Variants in PLEKHA2 observed in about 807,000 individuals in gnomAD.
The protein encoded by PLEKHA2 is pleckstrin homology domain-containing family A member 2.
Under a neutral mutation model 53.2 loss-of-function variants are expected in PLEKHA2, and 28 were observed. The observed-to-expected ratio is 0.53, with a 90% CI of 0.39 to 0.72. PLEKHA2 has a LOEUF of 0.72. Among genes scored for constraint, PLEKHA2 ranks in the 30% least tolerant of loss-of-function variants. The pLI, the probability that PLEKHA2 is intolerant of heterozygous loss-of-function variation, is 0.00. For synonymous variants in PLEKHA2, 193 were observed against 196.4 expected, an observed-to-expected ratio of 0.98 and a Z score of 0.14; for missense variants, 426 against 537.9, an observed-to-expected ratio of 0.79 and a Z score of 2.06.
In PLEKHA2 at chr8:38,961,381, AC is replaced by A. The variant is rs373389177; in HGVS notation, c.837+3996del. Among the ~76,000 whole-genome samples, 232 of 152,206 alleles carry A rather than the reference AC, an allele frequency of 1.5e-3. 7 individuals are homozygous for A. The East Asian group carries it at 0.032, about 21-fold the overall frequency. ...GTGAAACCCTGTCTCTATTAAAAAT[AC>A]AAAAATTAGCGGGGTGTGGTGGTGC... On this transcript the variant is annotated intron_variant, in intron 10 of 11. Coordinates refer to ENST00000617275, the MANE Select transcript of PLEKHA2 (RefSeq NM_021623.2).
At chr8:38,954,799 G>A (rs1479768877) in intron 9 of PLEKHA2, among the ~76,000 whole-genome samples, 3 of 152,122 alleles carry the variant, frequency 2.0e-5, no homozygotes, top group South Asian at 2.1e-4. Flanking sequence ...TTGGGAGGCC[G>A]AGGCGGGCGG....
At chr8:38,915,350 CAGA>C (rs1206963312) in intron 1 of PLEKHA2, among the ~76,000 whole-genome samples, 1 of 152,214 alleles carries the variant, frequency 6.6e-6, no homozygotes, top group Admixed American at 6.5e-5. Flanking sequence ...GCTTAAACGG[CAGA>C]AGTTCATTTT....
At chr8:38,918,524 A>ATACACACACATGCACACACACT (rs1834111160) in intron 2 of PLEKHA2, among the ~76,000 whole-genome samples, 2 of 146,654 alleles carry the variant, frequency 1.4e-5, no homozygotes, top group African/African-American at 2.5e-5. Flanking sequence ...CCATACACAC[A>ATACACACACATGCACACACACT]TGCACACACA....
At chr8:38,952,561 A>G in intron 7 of PLEKHA2, 75 bp from the exon 8 acceptor site, 1 of 1,495,906 alleles carries the variant, frequency 6.7e-7, no homozygotes, top group Non-Finnish European at 9.1e-7. Flanking sequence ...GGTCCTTGGG[A>G]GCTTAGCATG....
chr8:38,968,991 C>T, intron 11 of PLEKHA2: 1 of 323,638 alleles, frequency 3.1e-6, no homozygotes, highest in Non-Finnish European at 5.7e-6. Context: ...CTCTGCCTCC[C>T]AGGTTCAAGT....
chr8:38,947,903 A>G (rs1431513532), intron 5 of PLEKHA2, among the ~76,000 whole-genome samples: 1 of 151,916 alleles, frequency 6.6e-6, no homozygotes, highest in East Asian at 1.9e-4. Context: ...CCTGGCTAAC[A>G]TGGTGAAACC....
chr8:38,969,674 G>A lies in PLEKHA2; in HGVS notation c.1169G>A (p.Gly390Glu). ...TPRPGEGSAP[G>E]VLPSSRIRHR... is the part of the protein sequence containing the mutation. ...CGTCCTGGGGAGGGCAGCGCTCCTG[G>A]GGTGCTGCCCAGCTCCCGGATAAGG... Residue 390 changes from glycine (G) to glutamate (E), a missense_variant, in exon 12 of 12, where the codon GGG becomes GAG. Gly to Glu is a moderately conservative substitution (Grantham distance 98). Transcript: ENST00000617275. 2 of 1,585,128 alleles carry A rather than the reference G, an allele frequency of 1.3e-6. No individual in the cohort carries two copies. The highest frequency in any genetic ancestry group is 8.6e-7 in the Non-Finnish European group (1 of 1,165,900).
intron 3 of PLEKHA2, among the ~76,000 whole-genome samples, chr8:38,936,369 C>CT (rs1564128468): frequency 6.6e-6 from 1 of 152,158 alleles, no homozygotes; most frequent in Admixed American, 6.5e-5. Flanking sequence ...GATCCATGAC[C>CT]TTTTTTTGTA....
intron 3 of PLEKHA2, among the ~76,000 whole-genome samples, chr8:38,936,454 T>A (rs1398977556): frequency 6.6e-6 from 1 of 152,124 alleles, no homozygotes; most frequent in African/African-American, 2.4e-5. Flanking sequence ...AAGGGTACAG[T>A]CAAACAAAAA....
Position 38,952,674 on chromosome 8 carries a change from C to A in PLEKHA2, c.672C>A (p.Asp224Glu). 6.2e-7 allele frequency: 1 copy of A among 1,611,854 alleles called. No individual in the cohort carries two copies. The highest frequency in any genetic ancestry group is 8.5e-7 in the Non-Finnish European group (1 of 1,179,820). ...SWKRRFFALD[D>E]FTICYFKCEQ... ...AACGTCGCTTCTTTGCACTTGATGA[C>A]TTTACCATCTGCTACTTCAAGTGTG... Residue 224 changes from aspartate to glutamate, a missense_variant, in exon 8 of 12, where the codon GAC (aspartate) becomes GAA (glutamate). Coordinates refer to ENST00000617275, the MANE Select transcript of PLEKHA2 (RefSeq NM_021623.2).
chr8:38,955,116 A>G (rs1424332736), intron 9 of PLEKHA2, among the ~76,000 whole-genome samples: 4 of 152,074 alleles, frequency 2.6e-5, no homozygotes, highest in Non-Finnish European at 5.9e-5. Context: ...TTGCATGGAA[A>G]AGTTCTTCAG....
At chr8:38,953,788 C>A (rs545485536) in intron 9 of PLEKHA2, among the ~76,000 whole-genome samples, 1 of 152,200 alleles carries the variant, frequency 6.6e-6, no homozygotes, top group Non-Finnish European at 1.5e-5. Flanking sequence ...TCTTCCCTGA[C>A]CTTCTTATTC....
At chr8:38,933,567 C>T (rs898909947) in intron 2 of PLEKHA2, among the ~76,000 whole-genome samples, 5 of 151,862 alleles carry the variant, frequency 3.3e-5, no homozygotes, top group African/African-American at 9.7e-5. Flanking sequence ...CCTTAGTCCT[C>T]AGCAGAGTCC....
chr8:38,962,079 G>A (rs751535151), intron 10 of PLEKHA2, among the ~76,000 whole-genome samples: 4 of 152,200 alleles, frequency 2.6e-5, no homozygotes, highest in African/African-American at 9.6e-5. Context: ...ACAGGAAAAA[G>A]AAGGCTTTGA....
chr8:38,958,198 C>G (rs1834976361), intron 10 of PLEKHA2, among the ~76,000 whole-genome samples: 1 of 152,058 alleles, frequency 6.6e-6, no homozygotes, highest in South Asian at 2.1e-4. Flanking sequence ...ATGGTGGTGT[C>G]TGTAATCCCA....
At chr8:38,931,826 GCTAGATTTTGTCCTGTTGA>G (rs1315311592) in intron 2 of PLEKHA2, among the ~76,000 whole-genome samples, 1 of 152,166 alleles carries the variant, frequency 6.6e-6, no homozygotes, top group Non-Finnish European at 1.5e-5. Context: ...AGAGTCCAAG[GCTAGATTTTGTCCTGTTGA>G]CCAGCTGTTC....
intron 1 of PLEKHA2, among the ~76,000 whole-genome samples, chr8:38,912,768 G>A (rs1454574589): frequency 6.6e-6 from 1 of 152,336 alleles, no homozygotes; most frequent in East Asian, 1.9e-4. Context: ...GCATCTGAAC[G>A]TGCCGCTGCT....
At chr8:38,939,680 G>A (rs957539416) in intron 3 of PLEKHA2, among the ~76,000 whole-genome samples, 3 of 152,164 alleles carry the variant, frequency 2.0e-5, no homozygotes, top group Non-Finnish European at 4.4e-5. Context: ...AAAACAGTCC[G>A]CCTGTGGTGC....
intron 3 of PLEKHA2, among the ~76,000 whole-genome samples, chr8:38,937,510 T>G (rs926403211): frequency 6.6e-6 from 1 of 152,000 alleles, no homozygotes; most frequent in African/African-American, 2.4e-5. Context: ...TTTTTTTTTA[T>G]TTTTGGTTGG....
Sources: gnomAD v4.1 joint callset for allele counts (sites outside exome capture counted in the v4.1 genomes callset) on GRCh38, gnomAD v4.1.1 for gene constraint, MANE v1.5 for transcripts, NCBI Gene and HGNC (gene_info 2026-07-23, HGNC 2026-07-21) for gene names.